The following PLCE1 variants were observed in gnomAD, a reference collection of about 807,000 sequenced individuals.
The protein encoded by PLCE1 is 1-phosphatidylinositol 4,5-bisphosphate phosphodiesterase epsilon-1.
In PLCE1, 119 loss-of-function variants were observed where a neutral mutation model predicts 242.8. The ratio of observed to expected loss-of-function variants is 0.49; its 90% CI spans 0.42 to 0.57. PLCE1 has a LOEUF of 0.57. Ranked by LOEUF, PLCE1 falls within the 20% of genes least tolerant of loss-of-function variation. The pLI is 0.00. For synonymous variants in PLCE1, 945 were observed against 1,017.4 expected, an observed-to-expected ratio of 0.93 and a Z score of 1.35; for missense variants, 2,441 against 2,788.8, an observed-to-expected ratio of 0.88 and a Z score of 2.81.
At chr10:94,220,321 C>A (rs1453900009) in intron 4 of PLCE1, among the ~76,000 whole-genome samples, 2 of 134,360 alleles carry the variant, frequency 1.5e-5, no homozygotes, top group Non-Finnish European at 3.1e-5. Context: ...CCATCCTGGG[C>A]AACATAGAGA....
intron 5 of PLCE1, among the ~76,000 whole-genome samples, chr10:94,231,209 T>G (rs778985588): frequency 3.4e-4 from 52 of 152,308 alleles, no homozygotes; most frequent in Non-Finnish European, 6.8e-4. Context: ...AATTGATCTT[T>G]GCTGAAGTTT....
At chr10:94,067,775 C>T (rs1035463604) in intron 2 of PLCE1, among the ~76,000 whole-genome samples, 2 of 152,190 alleles carry the variant, frequency 1.3e-5, no homozygotes, top group South Asian at 2.1e-4. Flanking sequence ...AATACTCCTT[C>T]TTCCTCTGCT....
intron 23 of PLCE1, among the ~76,000 whole-genome samples, chr10:94,296,365 C>CAAA (rs35526010): frequency 2.2e-5 from 2 of 89,308 alleles, no homozygotes. Context: ...GACTCCATCT[C>CAAA]AAAAAAAAAA....
At chr10:94,114,998 A>T (rs1488807292) in intron 2 of PLCE1, among the ~76,000 whole-genome samples, 4 of 149,046 alleles carry the variant, frequency 2.7e-5, no homozygotes, top group Non-Finnish European at 4.4e-5. Context: ...ATTCCCACCT[A>T]TAAGTGAGAA....
At chr10:94,271,904 C>T (rs1450063175) in intron 18 of PLCE1, among the ~76,000 whole-genome samples, 1 of 152,118 alleles carries the variant, frequency 6.6e-6, no homozygotes, top group East Asian at 1.9e-4. Context: ...GCAAACCCAG[C>T]AAGTTTTATT....
At chr10:94,034,191 G>A (rs1445166159) in intron 2 of PLCE1, among the ~76,000 whole-genome samples, 2 of 152,240 alleles carry the variant, frequency 1.3e-5, no homozygotes, top group East Asian at 3.9e-4. Flanking sequence ...CCGCCCCCAT[G>A]ATTCAATTAT....
chr10:94,295,865 T>C (rs965304126), intron 23 of PLCE1, among the ~76,000 whole-genome samples: 3 of 152,062 alleles, frequency 2.0e-5, no homozygotes, highest in Non-Finnish European at 4.4e-5. Context: ...ACAGGCAGAG[T>C]AGATTTAGCA....
Position 94,017,113 on chromosome 10 carries a change from C to T in PLCE1, c.-364-13570C>T, listed in dbSNP as rs143353736. On this transcript the variant is annotated intron_variant, in intron 1 of 32. Coordinates refer to ENST00000371380, the MANE Select transcript of PLCE1 (RefSeq NM_016341.4). ...TTCCTGGGTAGCCCCACCCCCAACC[C>T]CCATCAGAGCCTCAGAAATGGCCTG... 3.8e-3 allele frequency among the ~76,000 whole-genome samples: 575 copies of T among 152,228 alleles called. 18 individuals carry two copies. In the East Asian group the frequency reaches 0.038, roughly 10 times the overall value.
intron 11 of PLCE1, among the ~76,000 whole-genome samples, chr10:94,257,792 G>A (rs1382639761): frequency 1.3e-5 from 2 of 152,094 alleles, no homozygotes; most frequent in Admixed American, 6.5e-5. Context: ...GAGGAGGGAG[G>A]GATAGCATTA....
In PLCE1 at chr10:94,304,503, C is replaced by T. The variant is rs1386718843; in HGVS notation, c.5480C>T (p.Ala1827Val). ...QTDDLPLHLNAAMFEANGGCG... is the reference protein window; with the variant it reads ...QTDDLPLHLNVAMFEANGGCG... ...ACAGATCTCCCTTTACATTTAAATGCTGCAATGTTTGAGGCAAATGGTGGT... is the reference window on the plus strand; with the variant it reads ...ACAGATCTCCCTTTACATTTAAATGTTGCAATGTTTGAGGCAAATGGTGGT... Residue 1827 changes from alanine (A) to valine (V), a missense_variant, in exon 25 of 33, where the codon GCT (alanine) becomes GTT (valine). Around this residue, in one of 5 missense-constraint regions of PLCE1, gnomAD observed 1,004 missense variants for 1,322.7 expected, o/e 0.76. Coordinates refer to ENST00000371380, the MANE Select transcript of PLCE1 (RefSeq NM_016341.4). The T allele has an allele frequency of 6.2e-7, 1 of 1,614,018 alleles. No homozygotes were observed. The highest frequency in any genetic ancestry group is 8.5e-7 in the Non-Finnish European group (1 of 1,179,912).
intron 2 of PLCE1, chr10:94,120,923 A>G (rs1300227136): frequency 6.6e-6 from 1 of 152,452 alleles, no homozygotes; most frequent in African/African-American, 2.4e-5. Flanking sequence ...CTTAATAATG[A>G]AGAAACCATG....
intron 3 of PLCE1, among the ~76,000 whole-genome samples, chr10:94,135,383 G>C (rs1032636510): frequency 6.6e-6 from 1 of 152,178 alleles, no homozygotes; most frequent in African/African-American, 2.4e-5. Context: ...CTCTGCCAGA[G>C]GATCAGGAGT....
At chr10:94,290,368 CAA>C (rs1234277750) in intron 22 of PLCE1, among the ~76,000 whole-genome samples, 3 of 151,264 alleles carry the variant, frequency 2.0e-5, no homozygotes, top group African/African-American at 7.3e-5. Context: ...TGACTCCAGC[CAA>C]AGACATTTTC....
At position 93,994,143 on chromosome 10, in the gene PLCE1, C is replaced by T. The variant is rs1339160920; in HGVS notation, c.-480C>T. On this transcript the variant is annotated 5_prime_UTR_variant, in exon 1 of 33. Coordinates refer to ENST00000371380, the MANE Select transcript of PLCE1 (RefSeq NM_016341.4). Reference sequence around the variant, plus strand: ...TGCGCGTTCCTGGGCATCGGCTCTGCAGCTGACACACAGTAGCGGGGACAC... The same window carrying T: ...TGCGCGTTCCTGGGCATCGGCTCTGTAGCTGACACACAGTAGCGGGGACAC... Among the ~76,000 whole-genome samples the T allele has an allele frequency of 6.6e-6, 1 of 152,130 alleles. No homozygotes were observed. The highest frequency in any genetic ancestry group is 1.9e-4 in the East Asian group (1 of 5,164).
chr10:94,104,145 C>A (rs1484789923), intron 2 of PLCE1: 1 of 152,162 alleles, frequency 6.6e-6, no homozygotes, highest in East Asian at 1.9e-4. Flanking sequence ...TTGCCTATAG[C>A]AACTAAGATT....
rs1226440254 is a variant in PLCE1 at position 94,298,403 on chromosome 10, C to T, written c.5192C>T (p.Thr1731Ile). ...GKSSCEGIRQ[T>I]WEESSSPLNP... ...GGTTCCTGTGAAGGCATTCGACAGA[C>T]CTGGGAGGAATCTTCTTCCCCTCTC... Residue 1731 changes from threonine (T) to isoleucine (I), a missense_variant, in exon 24 of 33, where the codon ACC (threonine) becomes ATC (isoleucine). By Grantham distance (89) the Thr-to-Ile change is moderately conservative. Around this residue, in one of 5 missense-constraint regions of PLCE1, gnomAD observed 1,004 missense variants for 1,322.7 expected, o/e 0.76. Coordinates refer to ENST00000371380, the MANE Select transcript of PLCE1 (RefSeq NM_016341.4). This position sits in a 1 kb window ranked among gnomAD's most constrained non-coding sequence, Gnocchi z 5.2. 3 of 1,614,092 alleles carry T rather than the reference C, an allele frequency of 1.9e-6. No individual in the cohort carries two copies. The highest frequency in any genetic ancestry group is 1.7e-6 in the Non-Finnish European group (2 of 1,179,962).
intron 7 of PLCE1, among the ~76,000 whole-genome samples, chr10:94,244,579 C>T (rs2137484065): frequency 6.6e-6 from 1 of 152,276 alleles, no homozygotes; most frequent in Non-Finnish European, 1.5e-5. Context: ...GCAAACTAGC[C>T]TTTTCTGTGT....
chr10:93,996,419 A>T (rs7911800), intron 1 of PLCE1, among the ~76,000 whole-genome samples: 1 of 152,168 alleles, frequency 6.6e-6, no homozygotes, highest in Non-Finnish European at 1.5e-5. Context: ...GGTGATTAGG[A>T]AACATGGTGC....
intron 26 of PLCE1, among the ~76,000 whole-genome samples, chr10:94,308,303 G>A (rs1218074942): frequency 1.3e-5 from 2 of 151,940 alleles, no homozygotes; most frequent in Non-Finnish European, 2.9e-5. Flanking sequence ...CATTCACAGG[G>A]ACTGTTAGTG....
Sources: gnomAD v4.1 joint callset for allele counts (sites outside exome capture counted in the v4.1 genomes callset) on GRCh38, gnomAD v4.1.1 for gene constraint, gnomAD v4.1.1 regional missense constraint, Gnocchi (gnomAD v3.1) non-coding constraint, MANE v1.5 for transcripts, NCBI Gene and HGNC (gene_info 2026-07-23, HGNC 2026-07-21) for gene names.